MACROD2: variants seen among roughly 807,000 people sequenced by gnomAD.
The protein encoded by MACROD2 is ADP-ribose glycohydrolase MACROD2.
A neutral mutation model predicts 70.4 loss-of-function variants in MACROD2; 36 were observed. The ratio of observed to expected loss-of-function variants is 0.51; its 90% CI spans 0.39 to 0.68. The LOEUF is 0.68. MACROD2 is among the 30% of genes least tolerant of loss of function. The pLI is 0.00. For missense variants in MACROD2, 496 were observed against 538.4 expected (o/e 0.92, Z 0.78); for synonymous variants, 172 against 178.8 (o/e 0.96, Z 0.30).
intron 12 of MACROD2, among the ~76,000 whole-genome samples, chr20:15,939,407 G>A (rs1021551362): frequency 6.6e-6 from 1 of 152,086 alleles, no homozygotes; most frequent in Non-Finnish European, 1.5e-5. Context: ...ATTAGGCGAA[G>A]TCTACCCCAC....
chr20:15,689,312 AAAAAAG>A (rs1305917045), intron 8 of MACROD2, among the ~76,000 whole-genome samples: 1 of 152,106 alleles, frequency 6.6e-6, no homozygotes, highest in African/African-American at 2.4e-5. Context: ...CTCAAAAAAA[AAAAAAG>A]ATAGATTGGG....
At chr20:14,603,565 T>C (rs1982622611) in intron 4 of MACROD2, among the ~76,000 whole-genome samples, 1 of 152,180 alleles carries the variant, frequency 6.6e-6, no homozygotes, top group East Asian at 1.9e-4. Context: ...AATTCTTAAT[T>C]ATAAAGGAAG....
chr20:15,798,924 T>C (rs1043027793), intron 8 of MACROD2, among the ~76,000 whole-genome samples: 2 of 152,206 alleles, frequency 1.3e-5, no homozygotes, highest in African/African-American at 4.8e-5. Context: ...AGCAGGACCT[T>C]GGCTAGGTTT....
intron 5 of MACROD2, among the ~76,000 whole-genome samples, chr20:15,192,064 A>ATCTATCT: frequency 2.1e-5 from 3 of 141,540 alleles, no homozygotes; most frequent in South Asian, 2.3e-4. Flanking sequence ...CTATCTATCT[A>ATCTATCT]AAACTCTCTC....
intron 8 of MACROD2, among the ~76,000 whole-genome samples, chr20:15,706,735 A>G (rs1487967991): frequency 1.3e-5 from 2 of 152,224 alleles, no homozygotes; most frequent in African/African-American, 4.8e-5. Flanking sequence ...CAGTTTAACA[A>G]TCCAGTCCTT....
chr20:15,606,952 A>C (rs2048902126), intron 8 of MACROD2, among the ~76,000 whole-genome samples: 1 of 151,688 alleles, frequency 6.6e-6, no homozygotes, highest in African/African-American at 2.4e-5. Flanking sequence ...CCATGAGCCA[A>C]GATCGCACCA....
At chr20:15,772,094 AAAAAAAAATATATAT>A (rs1471988707) in intron 8 of MACROD2, among the ~76,000 whole-genome samples, 16 of 101,444 alleles carry the variant, frequency 1.6e-4, no homozygotes, top group Middle Eastern at 4.3e-3. Context: ...CAAAAAAAAA[AAAAAAAAATATATAT>A]ATATATATAT....
intron 3 of MACROD2, among the ~76,000 whole-genome samples, chr20:14,102,135 C>T (rs1428560164): frequency 6.6e-6 from 1 of 151,062 alleles, no homozygotes; most frequent in African/African-American, 2.4e-5. Context: ...TCCTGAGTAG[C>T]TGGGACTACA....
chr20:14,127,767 G>A, intron 3 of MACROD2: 1 of 440,694 alleles, frequency 2.3e-6, no homozygotes. Context: ...AAAAGGAGGA[G>A]CAGGAGAAGA....
chr20:14,224,914 A>G (rs970463425), intron 3 of MACROD2, among the ~76,000 whole-genome samples: 1 of 152,164 alleles, frequency 6.6e-6, no homozygotes, highest in African/African-American at 2.4e-5. Context: ...CTTATACACT[A>G]GCCATTCTAC....
chr20:14,527,854 C>T (rs1240152204), intron 4 of MACROD2, among the ~76,000 whole-genome samples: 2 of 152,066 alleles, frequency 1.3e-5, no homozygotes, highest in African/African-American at 4.8e-5. Context: ...AATGTAGTAA[C>T]ACTTCTCATG....
chr20:15,872,543 T>G (rs1332639830), intron 9 of MACROD2, among the ~76,000 whole-genome samples: 1 of 152,204 alleles, frequency 6.6e-6, no homozygotes. Context: ...TTCAGTTTTG[T>G]CATGTGCAAA....
chr20:14,155,234 A>G (rs2055085061), intron 3 of MACROD2, among the ~76,000 whole-genome samples: 1 of 152,186 alleles, frequency 6.6e-6, no homozygotes, highest in Non-Finnish European at 1.5e-5. Flanking sequence ...ACATAAGTGA[A>G]ATATATAAAT....
At chr20:15,011,402 G>T (rs577441603) in intron 5 of MACROD2, among the ~76,000 whole-genome samples, 3 of 152,212 alleles carry the variant, frequency 2.0e-5, no homozygotes, top group South Asian at 4.2e-4. Flanking sequence ...TTTTTAATTG[G>T]TATTTTTAGA....
intron 3 of MACROD2, among the ~76,000 whole-genome samples, chr20:14,259,980 C>T (rs1300566995): frequency 3.3e-5 from 5 of 152,276 alleles, no homozygotes; most frequent in Non-Finnish European, 4.4e-5. Flanking sequence ...TGGTTGGGGA[C>T]AAGTGTGCTT....
rs186106097 is a variant in MACROD2, at chr20:14,813,822, T to G, written c.418+128863T>G. On this transcript the variant is annotated intron_variant, in intron 5 of 17. Transcript: ENST00000684519. ...CATTATTGGCCATTGGTGATCCACT[T>G]AACCTTCAGCCTTCCTCCCCTCCCT... Among the ~76,000 whole-genome samples the G allele has an allele frequency of 1.4e-3, 216 of 152,160 alleles. 3 individuals are homozygous for G. Among genetic ancestry groups the G allele is most frequent in the African/African-American group, 5.0e-3 (207 of 41,538 alleles).
rs5840688 is a variant in MACROD2, at chr20:15,868,603, C to CTTT, written c.727+5790_727+5792dup. 6.0e-3 allele frequency among the ~76,000 whole-genome samples: 819 copies of CTTT among 135,546 alleles called. 22 individuals are homozygous for CTTT. The South Asian group carries it at 0.074, about 12-fold the overall frequency. The allele number at this position is 135,546 out of a possible 152,430, so 88.9% of individuals were successfully genotyped here. A position where few individuals can be genotyped will look rare whatever the true frequency, so the allele number is the denominator to read the frequency against. ...CATTGCTTCTTGGGCTAATACTTTTCTTTTTTTTTTTTTTTCATTAGTTTG... is the reference window on the plus strand; with the variant it reads ...CATTGCTTCTTGGGCTAATACTTTTCTTTTTTTTTTTTTTTTTTCATTAGTTTG... On this transcript the variant is annotated intron_variant, in intron 9 of 17. Coordinates refer to ENST00000684519, the MANE Select transcript of MACROD2 (RefSeq NM_001351661.2).
chr20:14,918,008 T>C (rs1338216666), intron 5 of MACROD2, among the ~76,000 whole-genome samples: 2 of 152,166 alleles, frequency 1.3e-5, no homozygotes, highest in Non-Finnish European at 2.9e-5. Flanking sequence ...GCTCTCGCTC[T>C]GTTGCCCAGG....
chr20:14,188,778 A>C (rs1346102058), intron 3 of MACROD2, among the ~76,000 whole-genome samples: 1 of 152,170 alleles, frequency 6.6e-6, no homozygotes, highest in Non-Finnish European at 1.5e-5. Flanking sequence ...TACTTGTAGA[A>C]TTTAAATTGG....
Sources: allele counts gnomAD v4.1 joint callset (sites outside exome capture counted in the v4.1 genomes callset), GRCh38; gene constraint gnomAD v4.1.1; transcripts MANE v1.5; gene names NCBI Gene and HGNC (gene_info 2026-07-23, HGNC 2026-07-21).